SGCD: variants seen among roughly 807,000 people sequenced by gnomAD.
SGCD encodes the protein delta-sarcoglycan.
A neutral mutation model predicts 36.6 loss-of-function variants in SGCD; 18 were observed. That is an observed-to-expected ratio of 0.49 (90% CI 0.34 to 0.73). SGCD has a LOEUF of 0.73. Among genes scored for constraint, SGCD ranks in the 30% least tolerant of loss-of-function variants. SGCD has a pLI of 0.01. For synonymous variants in SGCD, 133 were observed against 130.6 expected (o/e 1.02, Z -0.12); for missense variants, 387 against 346.7 (o/e 1.12, Z -0.92).
At chr5:155,784,037 A>C in the SGCD span, among the ~76,000 whole-genome samples, 2 of 152,184 alleles carry the variant, frequency 1.3e-5, no homozygotes, top group Non-Finnish European at 2.9e-5. Flanking sequence ...CACTGTAGTC[A>C]GCAAACAGGC....
chr5:155,832,971 T>C, the SGCD span, among the ~76,000 whole-genome samples: 1 of 147,752 alleles, frequency 6.8e-6, no homozygotes, highest in Non-Finnish European at 1.5e-5. Flanking sequence ...CCCAGCACTT[T>C]GGGAGGCTGA....
chr5:156,085,223 G>A (rs983244325), intron 1 of SGCD, among the ~76,000 whole-genome samples: 1 of 151,948 alleles, frequency 6.6e-6, no homozygotes, highest in African/African-American at 2.4e-5. Flanking sequence ...GGGTAATACT[G>A]GACTGATGCG....
chr5:155,953,370 G>A (rs1182337118), intron 1 of SGCD, among the ~76,000 whole-genome samples: 1 of 151,966 alleles, frequency 6.6e-6, no homozygotes, highest in African/African-American at 2.4e-5. Context: ...AAGTCTTACA[G>A]GAACATGATT....
At chr5:156,725,634 A>C (rs1226590375) in intron 7 of SGCD, among the ~76,000 whole-genome samples, 1 of 152,200 alleles carries the variant, frequency 6.6e-6, no homozygotes, top group African/African-American at 2.4e-5. Flanking sequence ...CCCTAGCCAG[A>C]GTGGCCAACA....
At chr5:156,074,544 TG>T (rs1760710717) in intron 1 of SGCD, among the ~76,000 whole-genome samples, 1 of 151,830 alleles carries the variant, frequency 6.6e-6, no homozygotes, top group Admixed American at 6.6e-5. Flanking sequence ...TAGCCGGGCG[TG>T]GTGGCATGCC....
At chr5:156,722,463 A>G (rs1473710085) in intron 7 of SGCD, among the ~76,000 whole-genome samples, 4 of 152,220 alleles carry the variant, frequency 2.6e-5, no homozygotes, top group Non-Finnish European at 4.4e-5. Flanking sequence ...GTGTTGTCAT[A>G]AAGTCTATAC....
chr5:156,533,666 A>G (rs73297132), intron 4 of SGCD, among the ~76,000 whole-genome samples: 4,924 of 152,236 alleles, frequency 0.032, 275 homozygotes, highest in African/African-American at 0.11. Context: ...AGGTTTTCCA[A>G]TTGTCCAAAT....
chr5:156,363,037 C>CT (rs1021850441), intron 3 of SGCD, among the ~76,000 whole-genome samples: 340 of 145,982 alleles, frequency 2.3e-3, no homozygotes, highest in Admixed American at 4.4e-3. Context: ...ATGATTTTAC[C>CT]TTTTTTTTTT....
intron 1 of SGCD, among the ~76,000 whole-genome samples, chr5:155,919,469 A>C (rs1305960386): frequency 6.6e-6 from 1 of 152,136 alleles, no homozygotes; most frequent in African/African-American, 2.4e-5. Context: ...TTCCTCCTTA[A>C]TTATTATCAT....
At chr5:155,777,942 C>CTA in the SGCD span, among the ~76,000 whole-genome samples, 1 of 152,122 alleles carries the variant, frequency 6.6e-6, no homozygotes, top group African/African-American at 2.4e-5. Context: ...AACATTGTCT[C>CTA]TCATGGTTTG....
chr5:156,654,423 A>G (rs1763593598), intron 7 of SGCD, among the ~76,000 whole-genome samples: 1 of 152,150 alleles, frequency 6.6e-6, no homozygotes, highest in Non-Finnish European at 1.5e-5. Flanking sequence ...GTGTTGCCAT[A>G]CTTAGGTCTT....
the SGCD span, among the ~76,000 whole-genome samples, chr5:155,809,574 G>A: frequency 6.6e-6 from 1 of 152,082 alleles, no homozygotes; most frequent in Non-Finnish European, 1.5e-5. Flanking sequence ...TTGACAAACA[G>A]AGAGAAAGAA....
chr5:156,246,230 T>C (rs990221701), intron 3 of SGCD, among the ~76,000 whole-genome samples: 27 of 152,304 alleles, frequency 1.8e-4, no homozygotes, highest in African/African-American at 6.3e-4. Flanking sequence ...GATCTAAATA[T>C]TTTATGTTAT....
chr5:156,070,664 T>G (rs1360057488), intron 1 of SGCD, among the ~76,000 whole-genome samples: 1 of 152,120 alleles, frequency 6.6e-6, no homozygotes, highest in Admixed American at 6.6e-5. Flanking sequence ...TTAGGGAGGA[T>G]TCCCCCTTTT....
chr5:156,291,729 CTAT>C (rs939983102), intron 3 of SGCD, among the ~76,000 whole-genome samples: 2 of 151,834 alleles, frequency 1.3e-5, no homozygotes, highest in African/African-American at 4.8e-5. Context: ...TCCTTATATA[CTAT>C]TATTATTATC....
intron 1 of SGCD, among the ~76,000 whole-genome samples, chr5:155,994,267 A>G (rs1758494264): frequency 6.6e-6 from 1 of 152,178 alleles, no homozygotes; most frequent in South Asian, 2.1e-4. Flanking sequence ...TGGTTTTCTC[A>G]TCTAGAAAAT....
At position 155,923,332 on chromosome 5, in the gene SGCD, G is replaced by A. The variant is rs1756928434; in HGVS notation, c.-282+52908G>A. Among the ~76,000 whole-genome samples the A allele has an allele frequency of 2.0e-5, 3 of 149,920 alleles. No homozygotes were observed. In the South Asian group the frequency reaches 6.3e-4, roughly 31 times the overall value. On this transcript the variant is annotated intron_variant, in intron 1 of 9. Transcript: ENST00000517913. ...TGGTACACATTATCGAAAAGGTTTA[G>A]AGACAAATCTCTGGATTACCTTTCT...
intron 1 of SGCD, among the ~76,000 whole-genome samples, chr5:155,883,010 G>A (rs1755922777): frequency 6.6e-6 from 1 of 152,178 alleles, no homozygotes; most frequent in Non-Finnish European, 1.5e-5. Flanking sequence ...ATATCTTGCT[G>A]TAACTTCTGC....
At chr5:156,015,871 G>A (rs1009096543) in intron 1 of SGCD, among the ~76,000 whole-genome samples, 5 of 148,952 alleles carry the variant, frequency 3.4e-5, no homozygotes, top group African/African-American at 1.2e-4. Context: ...TATAATATAT[G>A]TAATTATATG....
Sources: gnomAD v4.1 joint callset for allele counts (sites outside exome capture counted in the v4.1 genomes callset) on GRCh38, gnomAD v4.1.1 for gene constraint, MANE v1.5 for transcripts, NCBI Gene and HGNC (gene_info 2026-07-23, HGNC 2026-07-21) for gene names.